GABRA1: variants seen among roughly 807,000 people sequenced by gnomAD.
GABRA1 encodes the protein gamma-aminobutyric acid receptor subunit alpha-1.
GABRA1 carries 9 observed loss-of-function variants against 48.9 expected under a neutral mutation model. That is an observed-to-expected ratio of 0.18 (90% CI 0.11 to 0.32). The LOEUF (loss-of-function observed/expected upper bound fraction) is 0.32, where lower values mean the gene tolerates loss of function less well. Among genes scored for constraint, GABRA1 ranks in the 10% least tolerant of loss-of-function variants. The probability of loss-of-function intolerance (pLI) is 1.00; values close to 1 mark genes in which losing one functional copy is unlikely to be tolerated. For missense variants in GABRA1, 285 were observed against 553.8 expected, an observed-to-expected ratio of 0.51 and a Z score of 4.87; for synonymous variants, 210 against 198.7, an observed-to-expected ratio of 1.06 and a Z score of -0.48.
chr5:161,871,146 C>T (rs1297299468), intron 4 of GABRA1, among the ~76,000 whole-genome samples: 1 of 151,974 alleles, frequency 6.6e-6, no homozygotes, highest in Non-Finnish European at 1.5e-5. Flanking sequence ...GAAATTATTG[C>T]CTTTGGGATA....
intron 3 of GABRA1, among the ~76,000 whole-genome samples, chr5:161,863,241 T>C (rs558061719): frequency 2.0e-5 from 3 of 151,978 alleles, no homozygotes; most frequent in African/African-American, 7.2e-5. Flanking sequence ...TATATTTGAA[T>C]AGAAAGTGGA....
chr5:161,884,594 A>C (rs1191861610), intron 7 of GABRA1, among the ~76,000 whole-genome samples: 2 of 152,162 alleles, frequency 1.3e-5, no homozygotes, highest in Non-Finnish European at 2.9e-5. Context: ...TCATTTTGTT[A>C]GTCTGAATAT....
At chr5:161,893,335 T>G (rs1258418870) in intron 8 of GABRA1, among the ~76,000 whole-genome samples, 1 of 152,146 alleles carries the variant, frequency 6.6e-6, no homozygotes, top group East Asian at 1.9e-4. Context: ...TCAAGTTTTA[T>G]GTTTCTAATA....
intron 7 of GABRA1, among the ~76,000 whole-genome samples, chr5:161,890,327 T>C (rs1755031709): frequency 2.0e-5 from 3 of 152,136 alleles, no homozygotes; most frequent in Non-Finnish European, 2.9e-5. Flanking sequence ...CAGGTGATCC[T>C]GGAAAATAAA....
intron 7 of GABRA1, among the ~76,000 whole-genome samples, chr5:161,889,590 A>G (rs12189424): frequency 0.63 from 95,335 of 151,908 alleles, 30,236 homozygotes; most frequent in Admixed American, 0.7. Flanking sequence ...GTAGGCCAAT[A>G]TATTGAGATG....
At chr5:161,876,456 T>G (rs1754358951) in intron 6 of GABRA1, among the ~76,000 whole-genome samples, 1 of 152,156 alleles carries the variant, frequency 6.6e-6, no homozygotes, top group African/African-American at 2.4e-5. Context: ...ACCTAACCGA[T>G]TTTCTGTTCT....
At chr5:161,889,054 T>A (rs1315108744) in intron 7 of GABRA1, among the ~76,000 whole-genome samples, 1 of 152,060 alleles carries the variant, frequency 6.6e-6, no homozygotes, top group Admixed American at 6.6e-5. Context: ...CAAAGTATGA[T>A]ATATTATAAA....
chr5:161,897,572 C>A lies in GABRA1; in HGVS notation c.*150C>A. ...TAATTCATTTAAGAACAAGAGACCC[C>A]TGTCTGGCAGTCTGGAGCAAAGCAG... is the stretch of plus-strand genomic sequence containing the variant. On this transcript the variant is annotated 3_prime_UTR_variant, in exon 10 of 10. Transcript: ENST00000393943. 2.5e-6 allele frequency: 2 copies of A among 786,526 alleles called. No individual in the cohort carries two copies. Among genetic ancestry groups the A allele is most frequent in the Non-Finnish European group, 2.0e-6 (1 of 492,422 alleles). 48.7% of individuals were successfully genotyped at this position (786,526 alleles called of 1,614,324 possible).
intron 1 of GABRA1, 106 bp downstream of exon 1, chr5:161,848,528 C>CGGGGG (rs1450654848): frequency 7.3e-4 from 4 of 5,504 alleles, no homozygotes; most frequent in African/African-American, 2.7e-3. Context: ...CGGGGGGAGA[C>CGGGGG]GGGGGGAGAG....
chr5:161,881,805 A>AG (rs1754624070), intron 6 of GABRA1: 1 of 152,336 alleles, frequency 6.6e-6, no homozygotes, highest in South Asian at 2.1e-4. Flanking sequence ...CTGAGACAGG[A>AG]GGATTACTTG....
rs1276138067 is a variant in GABRA1, at chr5:161,875,625, C to A, written c.542C>A (p.Pro181Gln). 1 of 1,613,064 alleles carries A rather than the reference C, an allele frequency of 6.2e-7. No homozygotes were observed. The highest frequency in any genetic ancestry group is 8.5e-7 in the Non-Finnish European group (1 of 1,179,284). ...EDFPMDAHACPLKFGSYAYTR... is the reference protein window; with the variant it reads ...EDFPMDAHACQLKFGSYAYTR... ...TTCCCTATGGATGCCCATGCTTGCC[C>A]ACTAAAATTTGGAAGTTGTGAGTAA... The change falls in exon 6 of 10, where the codon CCA (proline) becomes CAA (glutamine). Residue 181 changes from proline to glutamine, a missense_variant. Pro to Gln is a moderately conservative substitution (Grantham distance 76, BLOSUM62 -1). Transcript: ENST00000393943.
At chr5:161,850,230 G>T in intron 1 of GABRA1, 1 of 162,716 alleles carries the variant, frequency 6.1e-6, no homozygotes, top group Non-Finnish European at 1.3e-5. Flanking sequence ...CACGACTCCG[G>T]CATTCAACAG....
chr5:161,856,365 A>C (rs780962883), intron 3 of GABRA1, among the ~76,000 whole-genome samples: 39 of 151,556 alleles, frequency 2.6e-4, no homozygotes, highest in Admixed American at 4.6e-4. Context: ...AAAGAGCAGA[A>C]ATAGTAGTTG....
chr5:161,861,294 C>A (rs1164536247), intron 3 of GABRA1, among the ~76,000 whole-genome samples: 1 of 151,722 alleles, frequency 6.6e-6, no homozygotes, highest in African/African-American at 2.4e-5. Flanking sequence ...TATGTTCTCA[C>A]AACAATTAAA....
chr5:161,873,674 C>T (rs1438232870), intron 5 of GABRA1, among the ~76,000 whole-genome samples: 1 of 152,050 alleles, frequency 6.6e-6, no homozygotes, highest in Non-Finnish European at 1.5e-5. Context: ...TAATGATCTA[C>T]ATCTGAAAAC....
At chr5:161,864,649 G>T (rs997648504) in intron 3 of GABRA1, among the ~76,000 whole-genome samples, 5 of 151,712 alleles carry the variant, frequency 3.3e-5, no homozygotes, top group Non-Finnish European at 7.4e-5. Flanking sequence ...AGATCCTCCA[G>T]GTGTTTAAGA....
chr5:161,848,771 T>TTTTATTTA (rs1437811448), intron 1 of GABRA1: 1 of 305,142 alleles, frequency 3.3e-6, no homozygotes, highest in Non-Finnish European at 6.5e-6. Flanking sequence ...TGTTTTGGTC[T>TTTTATTTA]TTTATTTATT....
intron 3 of GABRA1, among the ~76,000 whole-genome samples, chr5:161,858,153 C>A (rs1476880573): frequency 6.6e-6 from 1 of 151,398 alleles, no homozygotes; most frequent in Non-Finnish European, 1.5e-5. Context: ...ATTTATATGG[C>A]TCTTTTAGTT....
At position 161,898,119 on chromosome 5, in the gene GABRA1, T is replaced by C. The variant is rs1755457013; in HGVS notation, c.*697T>C. On this transcript the variant is annotated 3_prime_UTR_variant, in exon 10 of 10. Coordinates refer to ENST00000393943, the MANE Select transcript of GABRA1 (RefSeq NM_001127644.2). ...GTCCAATGAAGATAAATGCTTTAAA[T>C]AGTTTACTTCACTTTCATCTGAGCT... 6.6e-6 allele frequency: 1 copy of C among 152,350 alleles called. No homozygotes were observed. The highest frequency in any genetic ancestry group is 1.5e-5 in the Non-Finnish European group (1 of 68,062). 9.4% of individuals were successfully genotyped at this position (152,350 alleles called of 1,614,324 possible). A position where few individuals can be genotyped will look rare whatever the true frequency, so the allele number is the denominator to read the frequency against.
Sources: gnomAD v4.1 joint callset for allele counts (sites outside exome capture counted in the v4.1 genomes callset) on GRCh38, gnomAD v4.1.1 for gene constraint, MANE v1.5 for transcripts, NCBI Gene and HGNC (gene_info 2026-07-23, HGNC 2026-07-21) for gene names.